The following CDH18 variants were observed in gnomAD, a reference collection of about 807,000 sequenced individuals.
CDH18 encodes the protein cadherin-18.
In CDH18, 31 loss-of-function variants were observed where a neutral mutation model predicts 67.9. The ratio of observed to expected loss-of-function variants is 0.46; its 90% CI spans 0.34 to 0.62. The LOEUF (loss-of-function observed/expected upper bound fraction) is 0.62, where lower values mean the gene tolerates loss of function less well. CDH18 is among the 20% of genes least tolerant of loss of function. CDH18 has a pLI of 0.01. For missense variants in CDH18, 890 were observed against 975.5 expected (o/e 0.91, Z 1.17); for synonymous variants, 362 against 347.2 (o/e 1.04, Z -0.48).
At chr5:19,757,899 A>T (rs7733366) in intron 3 of CDH18, among the ~76,000 whole-genome samples, 3,199 of 152,240 alleles carry the variant, frequency 0.021, 119 homozygotes, top group African/African-American at 0.074. Flanking sequence ...TCCTTCAGGG[A>T]TGTCCTTAAA....
At chr5:20,572,590 G>A (rs922720510) in intron 1 of CDH18, among the ~76,000 whole-genome samples, 6 of 151,986 alleles carry the variant, frequency 3.9e-5, no homozygotes, top group Non-Finnish European at 7.4e-5. Flanking sequence ...TTCTTTGTGT[G>A]GGGAGAAGAA....
chr5:19,758,778 G>A (rs181145345), intron 3 of CDH18, among the ~76,000 whole-genome samples: 2 of 152,318 alleles, frequency 1.3e-5, no homozygotes, highest in Admixed American at 1.3e-4. Flanking sequence ...GAAGTAGAAG[G>A]TCCTTGAATT....
chr5:19,915,846 C>G (rs1327312995), intron 2 of CDH18, among the ~76,000 whole-genome samples: 3 of 151,874 alleles, frequency 2.0e-5, no homozygotes, highest in Non-Finnish European at 4.4e-5. Flanking sequence ...TACTAAATGC[C>G]TGGTCCAGCG....
At chr5:19,721,980 T>G (rs1298739187) in intron 4 of CDH18, among the ~76,000 whole-genome samples, 1 of 152,188 alleles carries the variant, frequency 6.6e-6, no homozygotes, top group African/African-American at 2.4e-5. Context: ...GTCTTACACA[T>G]TCTTTTTATT....
chr5:19,565,319 C>A (rs143650818), intron 8 of CDH18, among the ~76,000 whole-genome samples: 84 of 152,276 alleles, frequency 5.5e-4, no homozygotes, highest in Non-Finnish European at 1.1e-3. Flanking sequence ...TGTCACTCCT[C>A]TGCTGAGCTC....
intron 1 of CDH18, among the ~76,000 whole-genome samples, chr5:20,524,437 AC>A (rs537846707): frequency 3.3e-5 from 5 of 152,308 alleles, no homozygotes; most frequent in African/African-American, 1.2e-4. Flanking sequence ...AGAGCTCTAA[AC>A]TTTGACAGCA....
intron 2 of CDH18, among the ~76,000 whole-genome samples, chr5:20,187,757 C>T (rs1261009803): frequency 6.6e-6 from 1 of 151,512 alleles, no homozygotes; most frequent in Non-Finnish European, 1.5e-5. Context: ...TATATTAACA[C>T]CAAATTTTAA....
chr5:20,003,569 A>G (rs1034143660), intron 2 of CDH18, among the ~76,000 whole-genome samples: 1 of 152,090 alleles, frequency 6.6e-6, no homozygotes, highest in African/African-American at 2.4e-5. Context: ...TCCTCTACTA[A>G]CAAATGATTT....
intron 2 of CDH18, among the ~76,000 whole-genome samples, chr5:19,934,724 G>A (rs1794051458): frequency 6.6e-6 from 1 of 151,382 alleles, no homozygotes; most frequent in Non-Finnish European, 1.5e-5. Context: ...GTCACACTGA[G>A]GATTGCCTTT....
At chr5:19,808,132 T>A (rs1446530753) in intron 3 of CDH18, among the ~76,000 whole-genome samples, 1 of 152,086 alleles carries the variant, frequency 6.6e-6, no homozygotes, top group Non-Finnish European at 1.5e-5. Context: ...TATTCTTTTG[T>A]TTTTAATGTA....
chr5:19,973,275 G>C (rs893641955), intron 2 of CDH18, among the ~76,000 whole-genome samples: 3 of 152,100 alleles, frequency 2.0e-5, no homozygotes, highest in Non-Finnish European at 1.5e-5. Flanking sequence ...AGGATAAAAA[G>C]GTTATATCTG....
intron 8 of CDH18, among the ~76,000 whole-genome samples, chr5:19,549,181 T>C (rs371328876): frequency 1.3e-5 from 2 of 152,170 alleles, no homozygotes; most frequent in African/African-American, 4.8e-5. Flanking sequence ...GACTGGATTA[T>C]GGGGGTGGAT....
intron 2 of CDH18, among the ~76,000 whole-genome samples, chr5:20,134,993 C>T (rs1401280775): frequency 6.6e-6 from 1 of 152,080 alleles, no homozygotes; most frequent in Non-Finnish European, 1.5e-5. Context: ...GTAACATATG[C>T]TATTTCCTTG....
chr5:19,545,299 G>T (rs1736124310), intron 8 of CDH18, among the ~76,000 whole-genome samples: 1 of 152,070 alleles, frequency 6.6e-6, no homozygotes, highest in Non-Finnish European at 1.5e-5. Context: ...AGTTTCAATT[G>T]GTTAGAAAAC....
chr5:20,167,915 G>A (rs937128228), intron 2 of CDH18, among the ~76,000 whole-genome samples: 4 of 152,152 alleles, frequency 2.6e-5, no homozygotes, highest in Non-Finnish European at 4.4e-5. Flanking sequence ...TGTAGTCCAT[G>A]CGGGTTAGCT....
chr5:19,684,343 A>G (rs1168108304), intron 5 of CDH18, among the ~76,000 whole-genome samples: 2 of 151,672 alleles, frequency 1.3e-5, no homozygotes, highest in Non-Finnish European at 2.9e-5. Flanking sequence ...ATGAATTAAA[A>G]TTGTATTTAA....
At chr5:19,523,628 T>G (rs1747281058) in intron 9 of CDH18, among the ~76,000 whole-genome samples, 1 of 152,074 alleles carries the variant, frequency 6.6e-6, no homozygotes, top group African/African-American at 2.4e-5. Context: ...AAGTTATCAC[T>G]TAACATAAGC....
intron 1 of CDH18, among the ~76,000 whole-genome samples, chr5:20,571,843 T>C (rs1037545510): frequency 1.3e-5 from 2 of 152,134 alleles, no homozygotes; most frequent in Admixed American, 6.6e-5. Context: ...ATGTCACTTC[T>C]TTCTCTTTCC....
intron 1 of CDH18, among the ~76,000 whole-genome samples, chr5:20,392,372 G>T (rs1019447971): frequency 2.0e-5 from 3 of 151,778 alleles, no homozygotes; most frequent in African/African-American, 4.8e-5. Context: ...ATGTTTAAAT[G>T]ATTATATATG....
Sources: allele counts gnomAD v4.1 joint callset (sites outside exome capture counted in the v4.1 genomes callset), GRCh38; gene constraint gnomAD v4.1.1; transcripts MANE v1.5; gene names NCBI Gene and HGNC (gene_info 2026-07-23, HGNC 2026-07-21).